Variants in HMCN1 observed in about 807,000 individuals in gnomAD.
HMCN1 encodes hemicentin 1.
A neutral mutation model predicts 625.9 loss-of-function variants in HMCN1; 321 were observed. That is an observed-to-expected ratio of 0.51 (90% confidence interval 0.47 to 0.56). The LOEUF (loss-of-function observed/expected upper bound fraction) is 0.56, where lower values mean the gene tolerates loss of function less well. Among genes scored for constraint, HMCN1 ranks in the 20% least tolerant of loss-of-function variants. HMCN1 has a pLI of 0.00. For missense variants in HMCN1, 6,588 were observed against 6,887.3 expected (o/e 0.96, Z 1.54); for synonymous variants, 2,425 against 2,417.6 (o/e 1.00, Z -0.09).
chr1:185,994,690 A>G, intron 23 of HMCN1, 125 bp from the exon 24 acceptor site: 1 of 914,736 alleles, frequency 1.1e-6, no homozygotes, highest in Non-Finnish European at 1.8e-6. Context: ...ATCCGAGCCT[A>G]GGTCCAAATT....
intron 38 of HMCN1, 142 bp downstream of exon 38, chr1:186,039,147 TA>T: frequency 1.4e-6 from 1 of 713,666 alleles, no homozygotes; most frequent in East Asian, 2.7e-5. Flanking sequence ...CTAAAACTTA[TA>T]AATGTGCTTA....
chr1:186,168,848 T>C (rs769225623), intron 100 of HMCN1, among the ~76,000 whole-genome samples: 84 of 152,100 alleles, frequency 5.5e-4, no homozygotes, highest in Non-Finnish European at 1.0e-3. Context: ...CGTGCCACGG[T>C]GGTTTGCTGC....
In HMCN1 at chr1:185,977,811, C is replaced by G. The variant is rs773961041; in HGVS notation, c.2396C>G (p.Pro799Arg). 3.7e-6 allele frequency: 6 copies of G among 1,612,770 alleles called. No homozygotes were observed. Among genetic ancestry groups the G allele is most frequent in the Non-Finnish European group, 5.1e-6 (6 of 1,179,054 alleles). Reference sequence around the variant, plus strand: ...GCACCTCCAGTTTTCATACAAGAACCTGCTGATGTGTCTATGGAAATTGGC... The same window carrying G: ...GCACCTCCAGTTTTCATACAAGAACGTGCTGATGTGTCTATGGAAATTGGC... ...VGSPPVFIQEPADVSMEIGSN... is the reference protein window; with the variant it reads ...VGSPPVFIQERADVSMEIGSN... The change falls in exon 16 of 107, where the codon CCT (proline) becomes CGT (arginine). Residue 799 changes from proline to arginine, a missense_variant. Transcript: ENST00000271588.
chr1:186,133,833 TTC>T (rs1382480843), intron 86 of HMCN1, among the ~76,000 whole-genome samples: 2 of 151,778 alleles, frequency 1.3e-5, no homozygotes, highest in African/African-American at 4.8e-5. Flanking sequence ...TTAAACAGAG[TTC>T]TTTTATTTAT....
chr1:185,938,048 G>T (rs77394626), intron 11 of HMCN1, among the ~76,000 whole-genome samples: 5,092 of 151,872 alleles, frequency 0.034, 125 homozygotes, highest in Non-Finnish European at 0.051. Context: ...AATCATGGAT[G>T]TGGTGCATAA....
intron 36 of HMCN1, among the ~76,000 whole-genome samples, chr1:186,033,802 G>A (rs535800535): frequency 6.6e-6 from 1 of 151,764 alleles, no homozygotes; most frequent in South Asian, 2.1e-4. Flanking sequence ...TGTGATTTTT[G>A]TTGAAAAAGT....
intron 22 of HMCN1, among the ~76,000 whole-genome samples, chr1:185,991,860 G>T (rs1652454207): frequency 6.6e-6 from 1 of 152,080 alleles, no homozygotes; most frequent in South Asian, 2.1e-4. Context: ...TTGCTAAATT[G>T]CTTTCCAAAG....
chr1:186,167,871 A>G (rs1651976332), intron 100 of HMCN1, among the ~76,000 whole-genome samples: 2 of 152,136 alleles, frequency 1.3e-5, no homozygotes, highest in Admixed American at 1.3e-4. Context: ...AGAACAGTTT[A>G]TCTACCTAGT....
intron 1 of HMCN1, among the ~76,000 whole-genome samples, chr1:185,816,850 G>A (rs1659876511): frequency 1.3e-5 from 2 of 152,204 alleles, no homozygotes; most frequent in African/African-American, 4.8e-5. Context: ...TTACTGCATG[G>A]TTTGATGGCT....
chr1:186,184,269 T>C (rs889253820), intron 105 of HMCN1, among the ~76,000 whole-genome samples: 2 of 152,210 alleles, frequency 1.3e-5, no homozygotes, highest in African/African-American at 4.8e-5. Flanking sequence ...GAAGAATAAC[T>C]TGCATTCTTT....
At chr1:185,741,241 G>A (rs1036596250) in intron 1 of HMCN1, among the ~76,000 whole-genome samples, 20 of 152,080 alleles carry the variant, frequency 1.3e-4, no homozygotes, top group African/African-American at 4.6e-4. Context: ...CCAGCCTAAA[G>A]CATTCTGTTA....
intron 6 of HMCN1, among the ~76,000 whole-genome samples, chr1:185,920,085 T>A (rs1047678453): frequency 6.6e-6 from 1 of 152,180 alleles, no homozygotes; most frequent in African/African-American, 2.4e-5. Context: ...ATGAAGAAAT[T>A]TATGTGGTGT....
chr1:186,091,142 G>A (rs1041807009), intron 64 of HMCN1, among the ~76,000 whole-genome samples: 22 of 151,936 alleles, frequency 1.4e-4, no homozygotes, highest in African/African-American at 4.8e-4. Flanking sequence ...ACTCTGTAAT[G>A]TTAATTAACT....
At chr1:185,801,514 T>C (rs1658792001) in intron 1 of HMCN1, among the ~76,000 whole-genome samples, 1 of 152,200 alleles carries the variant, frequency 6.6e-6, no homozygotes, top group Non-Finnish European at 1.5e-5. Flanking sequence ...ATGAAGTCCC[T>C]TCTCACTTTG....
At chr1:185,768,168 A>G (rs1655992555) in intron 1 of HMCN1, among the ~76,000 whole-genome samples, 1 of 152,204 alleles carries the variant, frequency 6.6e-6, no homozygotes, top group Non-Finnish European at 1.5e-5. Context: ...AATATTGAGA[A>G]AGAAGCCCAC....
intron 1 of HMCN1, among the ~76,000 whole-genome samples, chr1:185,771,018 T>A (rs1454974895): frequency 6.6e-6 from 1 of 152,152 alleles, no homozygotes; most frequent in Non-Finnish European, 1.5e-5. Context: ...TGAAGCTAAA[T>A]AAGAGCCTAA....
chr1:185,817,984 C>A (rs1659946770), intron 1 of HMCN1, among the ~76,000 whole-genome samples: 1 of 152,142 alleles, frequency 6.6e-6, no homozygotes, highest in Non-Finnish European at 1.5e-5. Flanking sequence ...CATTCCTCCA[C>A]CAACTGTCCA....
Position 186,065,311 on chromosome 1 carries a change from A to G in HMCN1, c.7587A>G (p.Ile2529Met). 1.9e-6 allele frequency: 3 copies of G among 1,612,778 alleles called. No homozygotes were observed. The highest frequency in any genetic ancestry group is 2.5e-6 in the Non-Finnish European group (3 of 1,179,784). ...AAGAAGATGAAGCCCATCACATTAT[A>G]TCTGGTGGCCGTTTTCTTCAAATTA... Reference protein sequence around the residue: ...PLQEDEAHHIISGGRFLQITN... With the variant: ...PLQEDEAHHIMSGGRFLQITN... Residue 2529 changes from isoleucine (I) to methionine (M), a missense_variant, in exon 49 of 107, where the codon ATA becomes ATG. Ile to Met is a conservative substitution (Grantham distance 10, BLOSUM62 1). This residue lies in a region of HMCN1 where 4,628 missense variants were observed against 4,853.1 expected (regional missense o/e 0.95). Transcript: ENST00000271588.
In HMCN1 at chr1:186,150,118, C is replaced by A. The variant is rs1650575816; in HGVS notation, c.14609-1082C>A. Among the ~76,000 whole-genome samples the A allele has an allele frequency of 4.4e-5, 6 of 137,106 alleles. No individual in the cohort carries two copies. The South Asian group carries it at 1.4e-3, about 33-fold the overall frequency. 89.9% of individuals were successfully genotyped at this position (137,106 alleles called of 152,430 possible). A position where few individuals can be genotyped will look rare whatever the true frequency, so the allele number is the denominator to read the frequency against. On this transcript the variant is annotated intron_variant, in intron 93 of 106. Transcript: ENST00000271588. ...AGACTTTCTCATCACACGGTTGCCA[C>A]AAGCCTTCAATTTGTAAAAAAAACG... is the stretch of plus-strand genomic sequence containing the variant.
Sources: allele counts gnomAD v4.1 joint callset (sites outside exome capture counted in the v4.1 genomes callset), GRCh38; gene constraint gnomAD v4.1.1; regional missense constraint gnomAD v4.1.1; transcripts MANE v1.5; gene names NCBI Gene and HGNC (gene_info 2026-07-23, HGNC 2026-07-21).